Variants in CELF4 observed in about 807,000 individuals in gnomAD.
The protein encoded by CELF4 is CUG-BP- and ETR-3-like factor 4.
CELF4 carries 18 observed loss-of-function variants against 59.9 expected under a neutral mutation model. The observed-to-expected ratio is 0.30, with a 90% CI of 0.21 to 0.45. The LOEUF is 0.45. Ranked by LOEUF, CELF4 falls within the 20% of genes least tolerant of loss-of-function variation. The pLI is 1.00. For missense variants in CELF4, 456 were observed against 689.0 expected, an observed-to-expected ratio of 0.66 and a Z score of 3.79; for synonymous variants, 261 against 267.1, an observed-to-expected ratio of 0.98 and a Z score of 0.22.
At chr18:37,282,726 T>C (rs996627834) in intron 3 of CELF4, among the ~76,000 whole-genome samples, 16 of 152,110 alleles carry the variant, frequency 1.1e-4, no homozygotes, top group Non-Finnish European at 2.2e-4. Context: ...AGCACCACTG[T>C]CCACACTGGA....
intron 2 of CELF4, among the ~76,000 whole-genome samples, chr18:37,439,256 C>T (rs57777450): frequency 1.1e-4 from 16 of 152,234 alleles, no homozygotes; most frequent in African/African-American, 3.4e-4. Flanking sequence ...GTTTGGGAGG[C>T]ATGGATACAA....
At chr18:37,273,232 GCTC>G (rs1252626462) in intron 6 of CELF4, 69 bp from the exon 7 acceptor site, 2 of 1,552,068 alleles carry the variant, frequency 1.3e-6, no homozygotes, top group Admixed American at 3.6e-5. Context: ...AGGGGCCTCA[GCTC>G]CTGGAGACCA....
At chr18:37,365,386 C>G (rs764570600) in intron 2 of CELF4, among the ~76,000 whole-genome samples, 2 of 151,648 alleles carry the variant, frequency 1.3e-5, no homozygotes, top group African/African-American at 4.8e-5. Context: ...TCGCCCACCC[C>G]CTGTGAATTG....
intron 1 of CELF4, among the ~76,000 whole-genome samples, chr18:37,526,329 C>T (rs2099963792): frequency 6.6e-6 from 1 of 152,216 alleles, no homozygotes; most frequent in Non-Finnish European, 1.5e-5. Context: ...ATGCAAACTG[C>T]TATGAACTTA....
intron 2 of CELF4, among the ~76,000 whole-genome samples, chr18:37,439,771 G>A (rs1303403633): frequency 6.6e-6 from 1 of 152,200 alleles, no homozygotes; most frequent in Non-Finnish European, 1.5e-5. Flanking sequence ...TGGCTGGACA[G>A]CATCATATCA....
rs971948331 is a variant in CELF4 at position 37,498,750 on chromosome 18, G to A, written c.287-13143C>T. 2.0e-5 allele frequency among the ~76,000 whole-genome samples: 3 copies of A among 152,086 alleles called. No individual in the cohort carries two copies. In the East Asian group the frequency reaches 5.8e-4, roughly 29 times the overall value. ...GCCTGATTGCTGCCATCCGCAGGGT[G>A]TCTGGAGTTCCGGGAGAGGGTTGCA... On this transcript the variant is annotated intron_variant, in intron 1 of 12. Coordinates refer to ENST00000420428, the MANE Select transcript of CELF4 (RefSeq NM_020180.4).
intron 3 of CELF4, among the ~76,000 whole-genome samples, chr18:37,301,197 G>A (rs1392086418): frequency 6.6e-6 from 1 of 152,226 alleles, no homozygotes; most frequent in Admixed American, 6.5e-5. Context: ...GCTTGGTGGA[G>A]TGTATGTGGG....
At chr18:37,376,407 G>A (rs1418889080) in intron 2 of CELF4, among the ~76,000 whole-genome samples, 1 of 152,164 alleles carries the variant, frequency 6.6e-6, no homozygotes, top group African/African-American at 2.4e-5. Flanking sequence ...CTGCAGCCCA[G>A]CCAGGCCACT....
chr18:37,396,954 G>A (rs574791461), intron 2 of CELF4, among the ~76,000 whole-genome samples: 5 of 152,288 alleles, frequency 3.3e-5, no homozygotes, highest in African/African-American at 7.2e-5. Flanking sequence ...CCAGGATTCC[G>A]TCTCTGAGGG....
intron 3 of CELF4, among the ~76,000 whole-genome samples, chr18:37,278,279 G>A (rs766625692): frequency 9.9e-5 from 15 of 152,172 alleles, no homozygotes; most frequent in Non-Finnish European, 1.5e-4. Context: ...AGGGCTGCAA[G>A]ATACCAAAGA....
chr18:37,411,628 A>C (rs2099459865), intron 2 of CELF4, among the ~76,000 whole-genome samples: 1 of 152,222 alleles, frequency 6.6e-6, no homozygotes, highest in Non-Finnish European at 1.5e-5. Context: ...AAGATACCTA[A>C]AATCCTACAG....
intron 2 of CELF4, among the ~76,000 whole-genome samples, chr18:37,356,710 C>T (rs992370810): frequency 2.0e-5 from 3 of 152,200 alleles, no homozygotes; most frequent in African/African-American, 7.2e-5. Context: ...TCTCAATAAT[C>T]CCAAAAGCTA....
intron 2 of CELF4, among the ~76,000 whole-genome samples, chr18:37,437,546 G>C (rs2099696919): frequency 6.6e-6 from 1 of 152,202 alleles, no homozygotes. Flanking sequence ...CCAGCACTCT[G>C]CTTCCCCACT....
chr18:37,538,559 G>A (rs1193972461), intron 1 of CELF4, among the ~76,000 whole-genome samples: 1 of 152,178 alleles, frequency 6.6e-6, no homozygotes, highest in Non-Finnish European at 1.5e-5. Flanking sequence ...CACTCACTCA[G>A]CAAATACCTG....
chr18:37,420,726 C>G (rs2099573012), intron 2 of CELF4, among the ~76,000 whole-genome samples: 3 of 152,194 alleles, frequency 2.0e-5, no homozygotes, highest in South Asian at 4.1e-4. Flanking sequence ...AAAGGTGGAG[C>G]CACAGGCTTC....
At chr18:37,335,903 C>A (rs1428321353) in intron 2 of CELF4, among the ~76,000 whole-genome samples, 1 of 152,194 alleles carries the variant, frequency 6.6e-6, no homozygotes, top group African/African-American at 2.4e-5. Flanking sequence ...ACACCCGCAG[C>A]CTGCTGTGGC....
intron 3 of CELF4, among the ~76,000 whole-genome samples, chr18:37,279,321 TGA>T (rs1239356406): frequency 6.6e-6 from 1 of 152,008 alleles, no homozygotes; most frequent in Admixed American, 6.6e-5. Flanking sequence ...GAGAGGTTGC[TGA>T]GACCCCCTGG....
At chr18:37,251,700 T>G (rs1246790201) in intron 12 of CELF4, among the ~76,000 whole-genome samples, 1 of 152,206 alleles carries the variant, frequency 6.6e-6, no homozygotes, top group African/African-American at 2.4e-5. Flanking sequence ...AAAAAGCTGC[T>G]TTCACGAAAC....
chr18:37,322,456 C>A (rs2097156983), intron 2 of CELF4, among the ~76,000 whole-genome samples: 2 of 152,214 alleles, frequency 1.3e-5, no homozygotes, highest in African/African-American at 4.8e-5. Context: ...ATATTGCAGC[C>A]AGGGCTGTTC....
Sources: allele counts gnomAD v4.1 joint callset (sites outside exome capture counted in the v4.1 genomes callset), GRCh38; gene constraint gnomAD v4.1.1; transcripts MANE v1.5; gene names NCBI Gene and HGNC (gene_info 2026-07-23, HGNC 2026-07-21).